Variants in ATXN2 observed in about 807,000 individuals in gnomAD.
ATXN2 encodes the protein ataxin-2.
ATXN2 carries 37 observed loss-of-function variants against 138.6 expected under a neutral mutation model. The ratio of observed to expected loss-of-function variants is 0.27; its 90% CI spans 0.21 to 0.35. The LOEUF (loss-of-function observed/expected upper bound fraction) is 0.35, where lower values mean the gene tolerates loss of function less well. Among genes scored for constraint, ATXN2 ranks in the 10% least tolerant of loss-of-function variants. The probability of loss-of-function intolerance (pLI) is 1.00; values close to 1 mark genes in which losing one functional copy is unlikely to be tolerated. For missense variants in ATXN2, 1,216 were observed against 1,480.3 expected (o/e 0.82, Z 2.93); for synonymous variants, 549 against 543.7 (o/e 1.01, Z -0.13).
chr12:111,521,937 T>C (rs1347484988), intron 6 of ATXN2, among the ~76,000 whole-genome samples: 1 of 152,218 alleles, frequency 6.6e-6, no homozygotes, highest in Non-Finnish European at 1.5e-5. Flanking sequence ...AATTATTCTC[T>C]AATGTTTCAA....
intron 1 of ATXN2, among the ~76,000 whole-genome samples, chr12:111,585,710 G>A (rs1407775190): frequency 1.4e-5 from 2 of 144,978 alleles, no homozygotes; most frequent in Non-Finnish European, 3.0e-5. Context: ...AGTCAGGCAG[G>A]AGAACTGCTT....
chr12:111,597,676 G>A (rs983834399), intron 1 of ATXN2: 4 of 482,346 alleles, frequency 8.3e-6, no homozygotes, highest in South Asian at 1.5e-5. Flanking sequence ...CCAGTTAGCC[G>A]GGACAACACT....
intron 1 of ATXN2, among the ~76,000 whole-genome samples, chr12:111,587,398 A>G (rs906477046): frequency 4.6e-5 from 7 of 152,094 alleles, no homozygotes; most frequent in Admixed American, 4.6e-4. Flanking sequence ...GGTGCCTCAC[A>G]CATGTAATTA....
chr12:111,549,759 G>A (rs1200157309), intron 5 of ATXN2, among the ~76,000 whole-genome samples: 1 of 152,108 alleles, frequency 6.6e-6, no homozygotes, highest in East Asian at 1.9e-4. Context: ...CTAAACCACT[G>A]TAAGTTTTGA....
chr12:111,586,272 G>A (rs1884325939), intron 1 of ATXN2, among the ~76,000 whole-genome samples: 1 of 149,914 alleles, frequency 6.7e-6, no homozygotes, highest in Admixed American at 6.7e-5. Flanking sequence ...CCCAGGCTGG[G>A]GCACAGTGGC....
chr12:111,567,430 G>A (rs1476867136), intron 1 of ATXN2, among the ~76,000 whole-genome samples: 2 of 151,948 alleles, frequency 1.3e-5, no homozygotes, highest in East Asian at 3.9e-4. Flanking sequence ...AACCCGGAAG[G>A]CAGAGGTTGC....
chr12:111,568,996 G>C (rs192551478), intron 1 of ATXN2, among the ~76,000 whole-genome samples: 1 of 49,598 alleles, frequency 2.0e-5, no homozygotes. Context: ...AGTTTTTTTT[G>C]TTTTGTTTTG....
chr12:111,572,180 A>G (rs1883358897), intron 1 of ATXN2, among the ~76,000 whole-genome samples: 1 of 152,052 alleles, frequency 6.6e-6, no homozygotes, highest in East Asian at 1.9e-4. Context: ...CAGGTGGATC[A>G]CCTGAGGTCA....
intron 18 of ATXN2, chr12:111,479,069 C>A: frequency 2.6e-6 from 1 of 390,024 alleles, no homozygotes; most frequent in Middle Eastern, 6.5e-4. Flanking sequence ...TATGCACTTA[C>A]CATACCTCAG....
Position 111,598,410 on chromosome 12 carries a change from G to A in ATXN2, c.251+374C>T. ...GTTCACACCTAAACCGGGAGTGGAGGAGCTGCCCGAGCATCCCCACGCTGC... is the reference window on the plus strand; with the variant it reads ...GTTCACACCTAAACCGGGAGTGGAGAAGCTGCCCGAGCATCCCCACGCTGC... On this transcript the variant is annotated intron_variant, in intron 1 of 24. Coordinates refer to ENST00000673436, the MANE Select transcript of ATXN2 (RefSeq NM_001372574.1). The surrounding 1 kb of genome is among the most constrained non-coding windows in gnomAD (Gnocchi z 4.5). The A allele has an allele frequency of 1.0e-6, 1 of 985,658 alleles. No homozygotes were observed. The highest frequency in any genetic ancestry group is 1.2e-6 in the Non-Finnish European group (1 of 830,174). 61.1% of individuals were successfully genotyped at this position (985,658 alleles called of 1,614,324 possible).
chr12:111,493,680 C>T (rs779704296), intron 14 of ATXN2, among the ~76,000 whole-genome samples: 5 of 150,930 alleles, frequency 3.3e-5, no homozygotes, highest in African/African-American at 9.7e-5. Flanking sequence ...CCAGGCTGGA[C>T]GGCAGTGGCG....
intron 1 of ATXN2, among the ~76,000 whole-genome samples, chr12:111,591,451 C>A (rs917979001): frequency 1.3e-5 from 2 of 152,086 alleles, no homozygotes; most frequent in Non-Finnish European, 2.9e-5. Context: ...AGGAGGATCA[C>A]TTGAGCCCAG....
rs1024110352 is a variant in ATXN2 at position 111,598,862 on chromosome 12, G to A, written c.173C>T (p.Ser58Leu). The A allele has an allele frequency of 3.4e-6, 5 of 1,489,618 alleles. No individual in the cohort carries two copies. Among genetic ancestry groups the A allele is most frequent in the East Asian group, 2.8e-5 (1 of 35,144 alleles). The allele number at this position is 1,489,618 out of a possible 1,614,324, so 92.3% of individuals were successfully genotyped here. A position where few individuals can be genotyped will look rare whatever the true frequency, so the allele number is the denominator to read the frequency against. The change falls in exon 1 of 25, where the codon TCG becomes TTG. Residue 58 changes from serine (S) to leucine (L), a missense_variant. Around this residue, in one of 4 missense-constraint regions of ATXN2, gnomAD observed 110 missense variants for 88.7 expected, o/e 1.24. Transcript: ENST00000673436. This position sits in a 1 kb window ranked among gnomAD's most constrained non-coding sequence, Gnocchi z 4.5. ...AGCCGTGGCCGAGGACGAGGAGACC[G>A]AGGACGAGGACGGCGAAGGCGCGGC... ...PAAAPSPSSS[S>L]VSSSSATAPS...
chr12:111,481,336 CT>C (rs1214586814), intron 18 of ATXN2, among the ~76,000 whole-genome samples: 1 of 151,974 alleles, frequency 6.6e-6, no homozygotes, highest in Non-Finnish European at 1.5e-5. Flanking sequence ...CCCCAGCTAT[CT>C]GGGAGGGTGA....
At chr12:111,489,924 T>C (rs1877906527) in intron 14 of ATXN2, among the ~76,000 whole-genome samples, 1 of 152,018 alleles carries the variant, frequency 6.6e-6, no homozygotes, top group Non-Finnish European at 1.5e-5. Context: ...TGTTCAGGGC[T>C]GCGTGCAGTG....
At chr12:111,582,962 C>A (rs191265771) in intron 1 of ATXN2, among the ~76,000 whole-genome samples, 1 of 148,574 alleles carries the variant, frequency 6.7e-6, no homozygotes, top group Non-Finnish European at 1.5e-5. Flanking sequence ...GCCACCGCGC[C>A]CGGCCAGTAT....
chr12:111,513,635 ACT>A, intron 10 of ATXN2, 96 bp from the exon 11 acceptor site: 1 of 988,116 alleles, frequency 1.0e-6, no homozygotes, highest in Non-Finnish European at 1.4e-6. Context: ...ATGCACACAC[ACT>A]CACTCACTCT....
At chr12:111,575,272 A>G (rs1464725490) in intron 1 of ATXN2, among the ~76,000 whole-genome samples, 1 of 152,156 alleles carries the variant, frequency 6.6e-6, no homozygotes, top group Admixed American at 6.6e-5. Context: ...TGCAATCTTT[A>G]ACTCCTGAGC....
chr12:111,585,301 T>G (rs1214226451), intron 1 of ATXN2, among the ~76,000 whole-genome samples: 4 of 151,652 alleles, frequency 2.6e-5, no homozygotes, highest in Non-Finnish European at 4.4e-5. Flanking sequence ...TCATCTGAGG[T>G]CAGGAGTTCA....
Sources: allele counts gnomAD v4.1 joint callset (sites outside exome capture counted in the v4.1 genomes callset), GRCh38; gene constraint gnomAD v4.1.1; regional missense constraint gnomAD v4.1.1; non-coding constraint Gnocchi (gnomAD v3.1); transcripts MANE v1.5; gene names NCBI Gene and HGNC (gene_info 2026-07-23, HGNC 2026-07-21).